Variants in DCDC1 observed in about 807,000 individuals in gnomAD.
DCDC1 encodes doublecortin domain-containing protein 1.
DCDC1 carries 200 observed loss-of-function variants against 178.3 expected under a neutral mutation model. The observed-to-expected ratio is 1.12, with a 90% CI of 1.00 to 1.26. The LOEUF is 1.26. Among genes scored for constraint, DCDC1 ranks in the 50% most tolerant of loss-of-function variants. The pLI, the probability that DCDC1 is intolerant of heterozygous loss-of-function variation, is 0.00. For synonymous variants in DCDC1, 690 were observed against 604.8 expected, an observed-to-expected ratio of 1.14 and a Z score of -2.07; for missense variants, 1,983 against 1,749.2, an observed-to-expected ratio of 1.13 and a Z score of -2.38.
intron 30 of DCDC1, among the ~76,000 whole-genome samples, chr11:30,905,839 C>T (rs1409352630): frequency 2.0e-5 from 3 of 152,180 alleles, no homozygotes; most frequent in African/African-American, 7.2e-5. Flanking sequence ...TTTTTGTAAC[C>T]GCAATGCATA....
intron 28 of DCDC1, 30 bp downstream of exon 28, chr11:30,911,297 A>G: frequency 6.5e-7 from 1 of 1,550,158 alleles, no homozygotes; most frequent in Non-Finnish European, 8.8e-7. Flanking sequence ...TTAAAAGGCC[A>G]TGACTAATCT....
At chr11:31,298,996 T>C (rs983179899) in intron 6 of DCDC1, among the ~76,000 whole-genome samples, 3 of 152,228 alleles carry the variant, frequency 2.0e-5, no homozygotes, top group African/African-American at 7.2e-5. Flanking sequence ...ATTTCATGAA[T>C]GCAAGATGAG....
intron 20 of DCDC1, among the ~76,000 whole-genome samples, chr11:30,965,735 A>G (rs1400175527): frequency 2.2e-5 from 3 of 138,818 alleles, no homozygotes; most frequent in Non-Finnish European, 4.6e-5. Flanking sequence ...ATATCTCCCA[A>G]TGCTATCCCT....
chr11:31,197,303 T>C (rs1290874311), intron 9 of DCDC1, among the ~76,000 whole-genome samples: 5 of 152,116 alleles, frequency 3.3e-5, no homozygotes, highest in African/African-American at 1.2e-4. Flanking sequence ...AGCAAACATA[T>C]TGAAAGTGTT....
At chr11:31,186,645 C>T (rs186490528) in intron 9 of DCDC1, among the ~76,000 whole-genome samples, 2 of 152,342 alleles carry the variant, frequency 1.3e-5, no homozygotes, top group African/African-American at 4.8e-5. Context: ...GCAATGGCCA[C>T]CATGCCTGCC....
intron 17 of DCDC1, among the ~76,000 whole-genome samples, chr11:31,082,350 CACT>C (rs1240939638): frequency 6.6e-6 from 1 of 151,962 alleles, no homozygotes; most frequent in Admixed American, 6.6e-5. Flanking sequence ...CCTCTACTAC[CACT>C]AGTAAAGAGA....
chr11:31,326,122 A>G (rs1307745724), intron 3 of DCDC1, among the ~76,000 whole-genome samples: 1 of 152,190 alleles, frequency 6.6e-6, no homozygotes, highest in Non-Finnish European at 1.5e-5. Context: ...TTGGTTTATC[A>G]TAATCAAAGT....
At chr11:30,883,651 G>T in intron 36 of DCDC1, 1 of 204,422 alleles carries the variant, frequency 4.9e-6, no homozygotes, top group South Asian at 6.4e-5. Flanking sequence ...GAATACCAAA[G>T]AAAATGAAGC....
At chr11:31,257,294 T>C (rs1944473671) in intron 8 of DCDC1, among the ~76,000 whole-genome samples, 1 of 152,208 alleles carries the variant, frequency 6.6e-6, no homozygotes, top group Non-Finnish European at 1.5e-5. Flanking sequence ...ATGTGGCTTG[T>C]TGATAAACTT....
intron 9 of DCDC1, among the ~76,000 whole-genome samples, chr11:31,213,407 T>C (rs1382265935): frequency 6.6e-6 from 1 of 151,796 alleles, no homozygotes; most frequent in Non-Finnish European, 1.5e-5. Flanking sequence ...TCCCCAAAGC[T>C]TAACACAGGC....
rs777623446 is a variant in DCDC1 at position 31,305,783 on chromosome 11, A to C, written c.592-6T>G. ...TCTGTGCACTCCTCCAGCAGCTAGA[A>C]GAAAGCAAGAGGTAAGTCAAAGTGA... On this transcript the variant is annotated splice_region_variant and splice_polypyrimidine_tract_variant and intron_variant, in intron 5 of 38. Transcript: ENST00000684477. The C allele has an allele frequency of 1.1e-5, 18 of 1,612,180 alleles. No homozygotes were observed. The highest frequency in any genetic ancestry group is 1.5e-5 in the Non-Finnish European group (18 of 1,179,106).
intron 21 of DCDC1, among the ~76,000 whole-genome samples, chr11:30,938,106 C>T (rs2134364740): frequency 6.6e-6 from 1 of 152,252 alleles, no homozygotes; most frequent in Non-Finnish European, 1.5e-5. Context: ...CTCTCACTTC[C>T]TCTTGTACTC....
At chr11:31,216,733 T>A (rs946286160) in intron 9 of DCDC1, among the ~76,000 whole-genome samples, 3 of 152,170 alleles carry the variant, frequency 2.0e-5, no homozygotes, top group African/African-American at 7.2e-5. Context: ...CTCAGGGTCT[T>A]AGCTTTCCCC....
intron 17 of DCDC1, among the ~76,000 whole-genome samples, chr11:31,086,524 T>C (rs1044141235): frequency 1.3e-5 from 2 of 152,204 alleles, no homozygotes; most frequent in African/African-American, 4.8e-5. Context: ...TTCACTGTCT[T>C]TCAGAGAATA....
chr11:30,934,355 A>G (rs1007877069), intron 21 of DCDC1, among the ~76,000 whole-genome samples: 1 of 152,216 alleles, frequency 6.6e-6, no homozygotes, highest in Non-Finnish European at 1.5e-5. Context: ...ATGGCCAATT[A>G]GACTAAAGCA....
chr11:31,208,907 T>C (rs1012303651), intron 9 of DCDC1, among the ~76,000 whole-genome samples: 5 of 152,220 alleles, frequency 3.3e-5, no homozygotes, highest in African/African-American at 9.7e-5. Flanking sequence ...CTATTTCATG[T>C]TCTTGATAGC....
intron 21 of DCDC1, among the ~76,000 whole-genome samples, chr11:30,935,569 T>A (rs1183756460): frequency 6.6e-6 from 1 of 151,840 alleles, no homozygotes; most frequent in Admixed American, 6.6e-5. Flanking sequence ...GTTTGGGTTT[T>A]TTTGAGACAG....
intron 38 of DCDC1, among the ~76,000 whole-genome samples, chr11:30,871,349 C>T (rs1014534937): frequency 6.6e-6 from 1 of 152,074 alleles, no homozygotes; most frequent in Admixed American, 6.6e-5. Context: ...GACAGGCATG[C>T]GTCTTGAACA....
At chr11:31,001,602 C>A (rs1399904692) in intron 20 of DCDC1, among the ~76,000 whole-genome samples, 1 of 152,176 alleles carries the variant, frequency 6.6e-6, no homozygotes. Context: ...TGCTGTTTGA[C>A]AAGGCAGCAT....
Sources: gnomAD v4.1 joint callset for allele counts (sites outside exome capture counted in the v4.1 genomes callset) on GRCh38, gnomAD v4.1.1 for gene constraint, MANE v1.5 for transcripts, NCBI Gene and HGNC (gene_info 2026-07-23, HGNC 2026-07-21) for gene names.